MED13: variants seen among roughly 807,000 people sequenced by gnomAD.
MED13 encodes the protein mediator of RNA polymerase II transcription subunit 13.
Under a neutral mutation model 225.2 loss-of-function variants are expected in MED13, and 23 were observed. That is an observed-to-expected ratio of 0.10 (90% CI 0.07 to 0.14). The LOEUF is 0.14. MED13 is among the 10% of genes least tolerant of loss of function. MED13 has a pLI of 1.00. For synonymous variants in MED13, 942 were observed against 889.2 expected (o/e 1.06, Z -1.06); for missense variants, 2,197 against 2,594.5 (o/e 0.85, Z 3.33).
intron 9 of MED13, among the ~76,000 whole-genome samples, chr17:62,001,435 A>G (rs1307067340): frequency 2.0e-5 from 3 of 152,210 alleles, no homozygotes; most frequent in African/African-American, 4.8e-5. Flanking sequence ...GCAACCTTTC[A>G]ATAACATTAC....
chr17:61,984,153 T>A lies in MED13; in HGVS notation c.2888+18A>T. On this transcript the variant is annotated intron_variant, in intron 15 of 29. Coordinates refer to ENST00000397786, the MANE Select transcript of MED13 (RefSeq NM_005121.3). ...CTGTATAAGCAGTCACATACTATTG[T>A]AACAACATAAATCATACCCCTCTTT... 1 of 1,489,860 alleles carries A rather than the reference T, an allele frequency of 6.7e-7. No individual in the cohort carries two copies. The highest frequency in any genetic ancestry group is 8.9e-7 in the Non-Finnish European group (1 of 1,120,388). The allele number at this position is 1,489,860 out of a possible 1,614,324, so 92.3% of individuals were successfully genotyped here.
chr17:62,042,474 A>G lies in MED13; in HGVS notation c.471-6866T>C, dbSNP rs370829785. 1.6e-3 allele frequency among the ~76,000 whole-genome samples: 237 copies of G among 148,172 alleles called. 7 individuals carry two copies. The South Asian group carries it at 0.042, about 27-fold the overall frequency. On this transcript the variant is annotated intron_variant, in intron 3 of 29. Coordinates refer to ENST00000397786, the MANE Select transcript of MED13 (RefSeq NM_005121.3). Reference sequence around the variant, plus strand: ...CTACTCGGGAGGCTGAGGCAGGAGAATCGCTTGAACCTGGGAGGTGGCAGT... The same window carrying G: ...CTACTCGGGAGGCTGAGGCAGGAGAGTCGCTTGAACCTGGGAGGTGGCAGT...
chr17:61,953,163 T>C (rs2079911523), intron 26 of MED13, 50 bp from the exon 27 acceptor site: 3 of 1,557,758 alleles, frequency 1.9e-6, no homozygotes, highest in Non-Finnish European at 2.6e-6. Flanking sequence ...CCATATCCTA[T>C]GGTCATTCAC....
At chr17:61,971,561 A>G (rs1338864371) in intron 17 of MED13, among the ~76,000 whole-genome samples, 1 of 152,120 alleles carries the variant, frequency 6.6e-6, no homozygotes, top group Non-Finnish European at 1.5e-5. Context: ...TTGGCCTTCA[A>G]AAGTGCTAAG....
At chr17:61,995,936 T>C (rs1163883266) in intron 9 of MED13, among the ~76,000 whole-genome samples, 2 of 152,198 alleles carry the variant, frequency 1.3e-5, no homozygotes, top group African/African-American at 4.8e-5. Context: ...GAAGTTTCAG[T>C]GCAAGTATCT....
chr17:61,984,312 A>G lies in MED13; in HGVS notation c.2747T>C (p.Met916Thr). 6.2e-7 allele frequency: 1 copy of G among 1,606,958 alleles called. No individual in the cohort carries two copies. Among genetic ancestry groups the G allele is most frequent in the Non-Finnish European group, 8.5e-7 (1 of 1,177,538 alleles). ...ENCQILVGCS[M>T]FAPLKTLPSQ... ...TGGTAGAGTTTTTAGAGGTGCAAAC[A>G]TGGAACATCCCACTAGAATTTGACA... Residue 916 changes from methionine (M) to threonine (T), a missense_variant, in exon 15 of 30, where the codon ATG becomes ACG. Physicochemically the swap from Met to Thr is moderately conservative, Grantham distance 81. Transcript: ENST00000397786.
In MED13 at chr17:62,014,369, T is replaced by C. The variant is rs568538186; in HGVS notation, c.1284-3136A>G. Among the ~76,000 whole-genome samples, 3 of 150,728 alleles carry C rather than the reference T, an allele frequency of 2.0e-5. No homozygotes were observed. In the South Asian group the frequency reaches 6.3e-4, roughly 31 times the overall value. ...TTTCACTCTGTCACCCAGGCTGGAG[T>C]GCAGTGGCACGATCTCAGCTCACCA... On this transcript the variant is annotated intron_variant, in intron 8 of 29. Transcript: ENST00000397786.
chr17:61,961,879 C>T, intron 21 of MED13, 100 bp from the exon 22 acceptor site: 1 of 1,087,742 alleles, frequency 9.2e-7, no homozygotes, highest in African/African-American at 1.6e-5. Flanking sequence ...AGAAAATTTA[C>T]ACAAAACCTA....
chr17:61,952,934 C>T (rs768372399), intron 27 of MED13, 31 bp downstream of exon 27: 11 of 1,602,346 alleles, frequency 6.9e-6, no homozygotes, highest in African/African-American at 4.0e-5. Flanking sequence ...TGCGCCCGGC[C>T]GAGAAAAACT....
At chr17:61,997,018 A>G (rs1243449841) in intron 9 of MED13, among the ~76,000 whole-genome samples, 1 of 152,190 alleles carries the variant, frequency 6.6e-6, no homozygotes, top group East Asian at 1.9e-4. Context: ...TACACACTAG[A>G]AGGTACCAAT....
Position 62,015,879 on chromosome 17 carries a change from A to G in MED13, c.1284-4646T>C, listed in dbSNP as rs865822583. The stretch of plus-strand genomic sequence containing the variant: ...GTGTATAGTGTGTATGTGTGTGTGT[A>G]TATATATACACACACACACACATAC... On this transcript the variant is annotated intron_variant, in intron 8 of 29. Transcript: ENST00000397786. 6.2e-3 allele frequency among the ~76,000 whole-genome samples: 486 copies of G among 77,898 alleles called. 1 individual carries two copies. The highest frequency in any genetic ancestry group is 0.016 in the East Asian group (25 of 1,602). The allele number at this position is 77,898 out of a possible 152,430, so 51.1% of individuals were successfully genotyped here. A position where few individuals can be genotyped will look rare whatever the true frequency, so the allele number is the denominator to read the frequency against.
At chr17:62,063,926 T>C (rs897450852) in intron 1 of MED13, among the ~76,000 whole-genome samples, 5 of 152,184 alleles carry the variant, frequency 3.3e-5, no homozygotes, top group African/African-American at 4.8e-5. Context: ...TCTTATTACA[T>C]GTGAAGAGAT....
chr17:62,056,627 T>C (rs1244186838), intron 2 of MED13, among the ~76,000 whole-genome samples: 5 of 152,022 alleles, frequency 3.3e-5, no homozygotes, highest in African/African-American at 4.8e-5. Context: ...TAGGGCATAG[T>C]GGCAATGCCT....
chr17:62,049,957 T>C (rs2080941251), intron 3 of MED13, among the ~76,000 whole-genome samples: 1 of 139,072 alleles, frequency 7.2e-6, no homozygotes, highest in African/African-American at 2.9e-5. Context: ...TGAAATGAAA[T>C]GTGTTTCAAT....
At chr17:62,059,046 T>C (rs1378312647) in intron 2 of MED13, among the ~76,000 whole-genome samples, 1 of 152,000 alleles carries the variant, frequency 6.6e-6, no homozygotes, top group Non-Finnish European at 1.5e-5. Context: ...GTCGAAATCA[T>C]CAAAACCAAA....
chr17:62,029,720 A>T, intron 7 of MED13, 69 bp from the exon 8 acceptor site: 1 of 1,530,182 alleles, frequency 6.5e-7, no homozygotes, highest in Non-Finnish European at 8.9e-7. Flanking sequence ...TGTAGCATTG[A>T]AATTAATTTT....
intron 3 of MED13, among the ~76,000 whole-genome samples, chr17:62,047,033 C>CT (rs34660935): frequency 2.5e-3 from 348 of 141,682 alleles, no homozygotes; most frequent in Middle Eastern, 3.4e-3. Context: ...CTGTGCCCAG[C>CT]TTTTTTTTTT....
chr17:62,037,760 G>C (rs913028498), intron 3 of MED13, among the ~76,000 whole-genome samples: 1 of 151,422 alleles, frequency 6.6e-6, no homozygotes, highest in African/African-American at 2.4e-5. Flanking sequence ...TTTGAGACCA[G>C]CCTGGCCAAC....
At chr17:61,997,164 C>G (rs967762016) in intron 9 of MED13, among the ~76,000 whole-genome samples, 1 of 152,110 alleles carries the variant, frequency 6.6e-6, no homozygotes, top group Non-Finnish European at 1.5e-5. Context: ...TTCACTAATG[C>G]CTAACACTAG....
Sources: gnomAD v4.1 joint callset for allele counts (sites outside exome capture counted in the v4.1 genomes callset) on GRCh38, gnomAD v4.1.1 for gene constraint, MANE v1.5 for transcripts, NCBI Gene and HGNC (gene_info 2026-07-23, HGNC 2026-07-21) for gene names.